The following MGAM variants were observed in gnomAD, a reference collection of about 807,000 sequenced individuals.
MGAM encodes the protein maltase-glucoamylase, also known as alpha-1,4-glucosidase.
Under a neutral mutation model 358.8 loss-of-function variants are expected in MGAM, and 253 were observed. The observed-to-expected ratio is 0.71, with a 90% CI of 0.64 to 0.78. The LOEUF (loss-of-function observed/expected upper bound fraction) is 0.78. Ranked by LOEUF, MGAM falls within the 30% of genes least tolerant of loss-of-function variation. The probability of loss-of-function intolerance (pLI) is 0.00; values close to 1 mark genes in which losing one functional copy is unlikely to be tolerated. For synonymous variants in MGAM, 1,105 were observed against 1,227.1 expected, an observed-to-expected ratio of 0.90 and a Z score of 2.08; for missense variants, 3,080 against 3,432.6, an observed-to-expected ratio of 0.90 and a Z score of 2.57.
At chr7:142,105,453 A>G (rs891802843) in intron 70 of MGAM, among the ~76,000 whole-genome samples, 1 of 152,034 alleles carries the variant, frequency 6.6e-6, no homozygotes, top group Admixed American at 6.6e-5. Flanking sequence ...ACGCCTGGCT[A>G]ATTTTTGTAT....
At chr7:142,003,946 A>C (rs1035106586) in intron 1 of MGAM, among the ~76,000 whole-genome samples, 1 of 152,070 alleles carries the variant, frequency 6.6e-6, no homozygotes, top group Admixed American at 6.6e-5. Context: ...AAAATGCTCA[A>C]CATCACTAAT....
intron 22 of MGAM, among the ~76,000 whole-genome samples, chr7:142,049,996 C>G (rs796541363): frequency 1.6e-4 from 25 of 152,218 alleles, no homozygotes; most frequent in African/African-American, 5.8e-4. Context: ...ACAGTCACTC[C>G]CACGTTCATT....
chr7:142,027,165 A>G lies in MGAM; in HGVS notation c.1033A>G (p.Ile345Val), dbSNP rs782330482. 1 of 1,613,808 alleles carries G rather than the reference A, an allele frequency of 6.2e-7. No individual in the cohort carries two copies. The highest frequency in any genetic ancestry group is 2.2e-5 in the East Asian group (1 of 44,878). Residue 345 changes from isoleucine (I) to valine (V), a missense_variant, in exon 9 of 71, where the codon ATT becomes GTT. Around this residue, in one of 5 missense-constraint regions of MGAM, gnomAD observed 1,816 missense variants for 1,840.5 expected, o/e 0.99. Coordinates refer to ENST00000475668, the MANE Select transcript of MGAM (RefSeq NM_001365693.1). ...PAITYRTIGG[I>V]LDFYVFLGNT... Reference sequence around the variant, plus strand: ...CATCACTTACCGCACCATTGGGGGCATTCTCGACTTCTATGTGTTCTTGGG... The same window carrying G: ...CATCACTTACCGCACCATTGGGGGCGTTCTCGACTTCTATGTGTTCTTGGG...
intron 45 of MGAM, among the ~76,000 whole-genome samples, chr7:142,075,601 G>T (rs1813670979): frequency 6.8e-6 from 1 of 146,370 alleles, no homozygotes; most frequent in Admixed American, 6.9e-5. Context: ...AAGATCAAAT[G>T]ACCCAATTAA....
rs10580224 is a variant in MGAM at position 142,024,414 on chromosome 7, GAAA to G, written c.883-621_883-619del. ...GGGCGACAGAGTGAGACCCTGTCTGGAAAAAAAAAAAAAAAAATCTGCATTTAA... is the reference window on the plus strand; with the variant it reads ...GGGCGACAGAGTGAGACCCTGTCTGGAAAAAAAAAAAAAATCTGCATTTAA... On this transcript the variant is annotated intron_variant, in intron 7 of 70. Transcript: ENST00000475668. 1.7e-3 allele frequency among the ~76,000 whole-genome samples: 235 copies of G among 138,838 alleles called. 1 individual carries two copies. Among genetic ancestry groups the G allele is most frequent in the Middle Eastern group, 3.8e-3 (1 of 264 alleles). 91.1% of individuals were successfully genotyped at this position (138,838 alleles called of 152,430 possible).
chr7:142,063,276 C>T (rs1812405030), intron 35 of MGAM, among the ~76,000 whole-genome samples: 2 of 151,868 alleles, frequency 1.3e-5, no homozygotes, highest in African/African-American at 2.4e-5. Flanking sequence ...TGCCTCACAG[C>T]CACCCTGAAA....
intron 47 of MGAM, 130 bp downstream of exon 47, chr7:142,076,956 G>T: frequency 9.3e-7 from 1 of 1,073,422 alleles, no homozygotes; most frequent in Non-Finnish European, 1.4e-6. Context: ...GGAATTGAGA[G>T]GGCACCTTTG....
intron 18 of MGAM, among the ~76,000 whole-genome samples, chr7:142,038,298 C>G (rs1166244717): frequency 6.6e-6 from 1 of 152,106 alleles, no homozygotes; most frequent in East Asian, 1.9e-4. Context: ...GCCTAGCATA[C>G]ATACTGGAAT....
Position 142,080,987 on chromosome 7 carries a change from C to T in MGAM, c.6002+42C>T, listed in dbSNP as rs1401916922. 26 of 1,477,434 alleles carry T rather than the reference C, an allele frequency of 1.8e-5. 4 individuals carry two copies. Among genetic ancestry groups the T allele is most frequent in the South Asian group, 5.9e-5 (5 of 84,104 alleles). The allele number at this position is 1,477,434 out of a possible 1,614,324, so 91.5% of individuals were successfully genotyped here. On this transcript the variant is annotated intron_variant, in intron 50 of 70. Coordinates refer to ENST00000475668, the MANE Select transcript of MGAM (RefSeq NM_001365693.1). ...GTGACTCAGAGTTGATGGCTACCTG[C>T]GCCTTCGCTGCCAGGTCCATTGTCC...
At position 142,069,698 on chromosome 7, in the gene MGAM, T is replaced by C. The variant is rs371757099; in HGVS notation, c.5061+995T>C. Among the ~76,000 whole-genome samples, 59 of 145,566 alleles carry C rather than the reference T, an allele frequency of 4.1e-4. 6 individuals carry two copies. In the South Asian group the frequency reaches 0.013, roughly 32 times the overall value. On this transcript the variant is annotated intron_variant, in intron 43 of 70. Transcript: ENST00000475668. The stretch of plus-strand genomic sequence containing the variant: ...CTCCTCTTCCTGCTGCTAGTCTGGA[T>C]CTGCCCTTAGGGTGGTAACATGTTA...
intron 16 of MGAM, among the ~76,000 whole-genome samples, chr7:142,035,429 A>C (rs1807899386): frequency 6.6e-6 from 1 of 152,234 alleles, no homozygotes; most frequent in South Asian, 2.1e-4. Flanking sequence ...GGGACGTATG[A>C]GTTAAATGTT....
chr7:142,056,182 T>C lies in MGAM; in HGVS notation c.3580+86T>C, dbSNP rs1035854135. 9.7e-6 allele frequency: 13 copies of C among 1,339,694 alleles called. No individual in the cohort carries two copies. In the African/African-American group the frequency reaches 1.8e-4, roughly 18 times the overall value. The allele number at this position is 1,339,694 out of a possible 1,614,324, so 83.0% of individuals were successfully genotyped here. A position where few individuals can be genotyped will look rare whatever the true frequency, so the allele number is the denominator to read the frequency against. On this transcript the variant is annotated intron_variant, in intron 29 of 70. Transcript: ENST00000475668. Reference sequence around the variant, plus strand: ...CAATGTGTTTAGCCTAACTGTTCCTTGAAGGCAAAATCTTCATTTTACGGG... The same window carrying C: ...CAATGTGTTTAGCCTAACTGTTCCTCGAAGGCAAAATCTTCATTTTACGGG...
Position 142,054,766 on chromosome 7 carries a change from A to G in MGAM, c.3172A>G (p.Asn1058Asp), listed in dbSNP as rs1232488183. The change falls in exon 27 of 71, where the codon AAC (asparagine) becomes GAC (aspartate). Residue 1058 changes from asparagine (N) to aspartate (D), a missense_variant. Physicochemically the swap from Asn to Asp is conservative, Grantham distance 23. Transcript: ENST00000475668. ...EMLQFKIYDP[N>D]KNRYEVPVPL... Reference sequence around the variant, plus strand: ...TCCTCTGGCCTAGATTTATGATCCCAACAAGAATCGGTATGAAGTTCCAGT... The same window carrying G: ...TCCTCTGGCCTAGATTTATGATCCCGACAAGAATCGGTATGAAGTTCCAGT... The G allele has an allele frequency of 7.4e-6, 12 of 1,613,874 alleles. No individual in the cohort carries two copies. Among genetic ancestry groups the G allele is most frequent in the Non-Finnish European group, 1.0e-5 (12 of 1,179,784 alleles).
rs1488346187 is a variant in MGAM at position 142,058,322 on chromosome 7, C to T, written c.3813C>T (p.Ile1271=). The T allele has an allele frequency of 1.2e-6, 2 of 1,613,880 alleles. No homozygotes were observed. The highest frequency in any genetic ancestry group is 1.7e-6 in the Non-Finnish European group (2 of 1,179,824). ...SLYDEMVAAQ[I]PYDVQYSDID... ...ATGATGAGATGGTGGCTGCCCAGAT[C>T]CCTTATGTACGTTCTCAGTCATGGC... Residue 1271 remains isoleucine (I), a synonymous_variant, in exon 31 of 71, where the codon ATC becomes ATT. Transcript: ENST00000475668.
chr7:142,036,249 T>C lies in MGAM; in HGVS notation c.2040T>C (p.Tyr680=), dbSNP rs1221355762. The C allele has an allele frequency of 3.1e-6, 5 of 1,610,810 alleles. No homozygotes were observed. The African/African-American group carries it at 4.0e-5, about 13-fold the overall frequency. ...GGTGGATGCAGTTGGGTGCATTTTA[T>C]CCGTTTTCTAGAAATCACAATGGCC... ...CRRWMQLGAF[Y]PFSRNHNGQG... is the part of the protein sequence containing the mutation. The change falls in exon 17 of 71, where the codon TAT becomes TAC. Residue 680 remains tyrosine (Y), a synonymous_variant. Coordinates refer to ENST00000475668, the MANE Select transcript of MGAM (RefSeq NM_001365693.1).
At chr7:142,083,242 A>C in intron 52 of MGAM, 59 bp from the exon 53 acceptor site, 1 of 1,277,792 alleles carries the variant, frequency 7.8e-7, no homozygotes, top group Non-Finnish European at 1.1e-6. Flanking sequence ...TGTGGATTTC[A>C]GGGGTGATTC....
chr7:142,053,918 T>G (rs1168712387), intron 26 of MGAM, among the ~76,000 whole-genome samples: 1 of 152,220 alleles, frequency 6.6e-6, no homozygotes, highest in Non-Finnish European at 1.5e-5. Context: ...AGTTCTAGCC[T>G]TAACCATTGC....
intron 33 of MGAM, 52 bp from the exon 34 acceptor site, chr7:142,060,259 A>G (rs1812004845): frequency 6.9e-6 from 11 of 1,592,154 alleles, no homozygotes; most frequent in African/African-American, 4.0e-5. Context: ...AGGAAATACT[A>G]TGTAAGGGAA....
At chr7:142,032,949 A>G in intron 14 of MGAM, 40 bp downstream of exon 14, 2 of 1,343,570 alleles carry the variant, frequency 1.5e-6, no homozygotes, top group Non-Finnish European at 2.1e-6. Flanking sequence ...AGCCATATGT[A>G]TTTCATATTA....
Sources: allele counts gnomAD v4.1 joint callset (sites outside exome capture counted in the v4.1 genomes callset), GRCh38; gene constraint gnomAD v4.1.1; regional missense constraint gnomAD v4.1.1; transcripts MANE v1.5; gene names NCBI Gene and HGNC (gene_info 2026-07-23, HGNC 2026-07-21).